The following STIM1 variants were observed in gnomAD, a reference collection of about 807,000 sequenced individuals.
The protein encoded by STIM1 is stromal interaction molecule 1.
Under a neutral mutation model 74.7 loss-of-function variants are expected in STIM1, and 25 were observed. That is an observed-to-expected ratio of 0.33 (90% CI 0.24 to 0.47). The LOEUF is 0.47. STIM1 is among the 20% of genes least tolerant of loss of function. The pLI, the probability that STIM1 is intolerant of heterozygous loss-of-function variation, is 1.00. For missense variants in STIM1, 728 were observed against 920.8 expected, an observed-to-expected ratio of 0.79 and a Z score of 2.71; for synonymous variants, 328 against 348.8, an observed-to-expected ratio of 0.94 and a Z score of 0.66.
intron 1 of STIM1, among the ~76,000 whole-genome samples, chr11:3,893,420 C>T (rs948186873): frequency 1.3e-5 from 2 of 152,166 alleles, no homozygotes; most frequent in African/African-American, 4.8e-5. Flanking sequence ...TGTGTGAACA[C>T]TAGTTTGCTC....
chr11:4,059,333 C>A lies in STIM1; in HGVS notation c.550C>A (p.Arg184=), dbSNP rs368391164. The part of the protein sequence containing the change: ...MTGTVLKMTD[R]SHRQKLQLKA... ...AGGGACTGTGCTGAAGATGACAGAC[C>A]GGAGTCATCGGCAGAAGCTGCAGCT... The change falls in exon 5 of 13, where the codon CGG becomes AGG. Residue 184 remains arginine (R), a synonymous_variant. Transcript: ENST00000526596. 1 of 1,613,980 alleles carries A rather than the reference C, an allele frequency of 6.2e-7. No individual in the cohort carries two copies. The highest frequency in any genetic ancestry group is 1.1e-5 in the South Asian group (1 of 91,068).
intron 2 of STIM1, among the ~76,000 whole-genome samples, chr11:4,004,622 C>T (rs535384386): frequency 6.4e-4 from 96 of 151,094 alleles, no homozygotes; most frequent in African/African-American, 2.1e-3. Context: ...AGACCTAAAA[C>T]CATAAAAACC....
chr11:4,015,496 C>T (rs1314593455), intron 2 of STIM1, among the ~76,000 whole-genome samples: 2 of 152,124 alleles, frequency 1.3e-5, no homozygotes, highest in African/African-American at 4.8e-5. Flanking sequence ...TCATTTCCAC[C>T]TTGGTGAATC....
chr11:3,902,383 T>G (rs1001252856), intron 1 of STIM1, among the ~76,000 whole-genome samples: 4 of 152,180 alleles, frequency 2.6e-5, no homozygotes, highest in Non-Finnish European at 5.9e-5. Flanking sequence ...ATCCCCAATC[T>G]TTTTGGCACC....
At chr11:3,971,340 T>C (rs1248020089) in intron 2 of STIM1, among the ~76,000 whole-genome samples, 5 of 151,576 alleles carry the variant, frequency 3.3e-5, no homozygotes, top group Non-Finnish European at 4.4e-5. Flanking sequence ...CCATCCTGGC[T>C]AACACGGTGA....
intron 1 of STIM1, among the ~76,000 whole-genome samples, chr11:3,900,526 C>T (rs550285227): frequency 5.1e-4 from 78 of 152,336 alleles, no homozygotes; most frequent in African/African-American, 1.8e-3. Context: ...TCTTCTGCAG[C>T]GCTCATGCTG....
chr11:4,038,887 A>T (rs1051364842), intron 3 of STIM1, among the ~76,000 whole-genome samples: 1 of 152,194 alleles, frequency 6.6e-6, no homozygotes, highest in African/African-American at 2.4e-5. Flanking sequence ...TAGGGCATCA[A>T]ATTTCTGGGT....
chr11:3,910,787 C>A (rs1318853224), intron 1 of STIM1, among the ~76,000 whole-genome samples: 1 of 151,238 alleles, frequency 6.6e-6, no homozygotes, highest in Admixed American at 6.6e-5. Context: ...CGAGACCAGC[C>A]TGACCAACAT....
intron 1 of STIM1, among the ~76,000 whole-genome samples, chr11:3,893,662 T>A (rs1396118655): frequency 2.0e-5 from 3 of 152,026 alleles, no homozygotes; most frequent in African/African-American, 4.8e-5. Flanking sequence ...TTTTTTTTTT[T>A]TTTTGAGACA....
At chr11:4,051,542 C>T (rs1164847707) in intron 3 of STIM1, among the ~76,000 whole-genome samples, 1 of 151,950 alleles carries the variant, frequency 6.6e-6, no homozygotes. Flanking sequence ...GAGGTTTCAC[C>T]ATGTTGGCCA....
At chr11:3,972,678 GTCT>G (rs1443042317) in intron 2 of STIM1, among the ~76,000 whole-genome samples, 2 of 152,050 alleles carry the variant, frequency 1.3e-5, no homozygotes, top group South Asian at 2.1e-4. Flanking sequence ...TCTAAAACAT[GTCT>G]TCTTTGTAGC....
intron 2 of STIM1, among the ~76,000 whole-genome samples, chr11:3,992,079 C>CTTTTTT (rs2093619102): frequency 1.0e-5 from 1 of 100,176 alleles, no homozygotes; most frequent in Non-Finnish European, 2.0e-5. Flanking sequence ...TTGCCAACAT[C>CTTTTTT]TGTTTTTTTG....
intron 2 of STIM1, among the ~76,000 whole-genome samples, chr11:3,975,461 A>G (rs1348070474): frequency 6.6e-6 from 1 of 152,142 alleles, no homozygotes; most frequent in Non-Finnish European, 1.5e-5. Context: ...TACTAAAAAT[A>G]CAAAAAAATT....
chr11:3,999,622 G>C (rs992134649), intron 2 of STIM1: 1 of 155,158 alleles, frequency 6.4e-6, no homozygotes, highest in Non-Finnish European at 1.4e-5. Flanking sequence ...AATAGGAAGA[G>C]CTCTGGTCTA....
intron 2 of STIM1, among the ~76,000 whole-genome samples, chr11:3,985,522 A>G (rs2093550325): frequency 6.6e-6 from 1 of 152,168 alleles, no homozygotes; most frequent in Non-Finnish European, 1.5e-5. Flanking sequence ...GTTAGGGACA[A>G]AGGGTTTGGC....
At chr11:3,952,101 C>A (rs565189386) in intron 1 of STIM1, among the ~76,000 whole-genome samples, 108 of 152,234 alleles carry the variant, frequency 7.1e-4, no homozygotes, top group Admixed American at 1.4e-3. Flanking sequence ...CAAAGACTCT[C>A]TTTGCTATTG....
At chr11:4,059,750 A>G (rs1367819821) in intron 5 of STIM1, among the ~76,000 whole-genome samples, 1 of 152,100 alleles carries the variant, frequency 6.6e-6, no homozygotes, top group Non-Finnish European at 1.5e-5. Flanking sequence ...TCCTATAGAC[A>G]AGGTGACATG....
chr11:3,984,155 C>T lies in STIM1; in HGVS notation c.270+16473C>T, dbSNP rs180968882. ...TACTGGGACTACAGGTGTGAGCAAC[C>T]GTGTCCAGCCTCTTTCTCCTTTCTT... On this transcript the variant is annotated intron_variant, in intron 2 of 12. Transcript: ENST00000526596. 3.7e-3 allele frequency among the ~76,000 whole-genome samples: 564 copies of T among 152,222 alleles called. 3 individuals carry two copies. Among genetic ancestry groups the T allele is most frequent in the Non-Finnish European group, 6.2e-3 (425 of 68,012 alleles).
chr11:3,921,458 A>G (rs1254450855), intron 1 of STIM1, among the ~76,000 whole-genome samples: 2 of 152,230 alleles, frequency 1.3e-5, no homozygotes, highest in Non-Finnish European at 2.9e-5. Flanking sequence ...TACCTGGACC[A>G]TCTGGCCATA....
Sources: allele counts gnomAD v4.1 joint callset (sites outside exome capture counted in the v4.1 genomes callset), GRCh38; gene constraint gnomAD v4.1.1; transcripts MANE v1.5; gene names NCBI Gene and HGNC (gene_info 2026-07-23, HGNC 2026-07-21).